Variants in WIF1 observed in about 807,000 individuals in gnomAD.
WIF1 encodes the protein Wnt inhibitory factor 1.
In WIF1, 35 loss-of-function variants were observed where a neutral mutation model predicts 53.5. That is an observed-to-expected ratio of 0.65 (90% confidence interval 0.50 to 0.87). The LOEUF is 0.87. Among genes scored for constraint, WIF1 ranks in the 40% least tolerant of loss-of-function variants. The pLI, the probability that WIF1 is intolerant of heterozygous loss-of-function variation, is 0.00. For synonymous variants in WIF1, 171 were observed against 170.4 expected (o/e 1.00, Z -0.03); for missense variants, 467 against 476.8 (o/e 0.98, Z 0.19).
At chr12:65,109,396 T>C (rs1201285433) in intron 2 of WIF1, among the ~76,000 whole-genome samples, 1 of 152,218 alleles carries the variant, frequency 6.6e-6, no homozygotes, top group Non-Finnish European at 1.5e-5. Context: ...AAGTGCCCCC[T>C]CTGGACAGAG....
In WIF1 at chr12:65,056,076, T is replaced by G. The variant is rs531988277; in HGVS notation, c.877A>C (p.Lys293Gln). Reference protein sequence around the residue: ...RNGGKCIGKSKCKCSKGYQGD... With the variant: ...RNGGKCIGKSQCKCSKGYQGD... The stretch of plus-strand genomic sequence containing the variant: ...TGGTAACCTTTGGAACACTTACATT[T>G]GCTTTTACCAATGCATTTACCTCCA... Residue 293 changes from lysine to glutamine, a missense_variant, in exon 8 of 10, where the codon AAA becomes CAA. By Grantham distance (53) the Lys-to-Gln change is moderately conservative (BLOSUM62 1). Transcript: ENST00000286574. The G allele has an allele frequency of 3.1e-6, 5 of 1,614,188 alleles. 1 individual carries two copies. Among genetic ancestry groups the G allele is most frequent in the East Asian group, 4.5e-5 (2 of 44,890 alleles).
At chr12:65,107,027 T>A (rs1671579274) in intron 2 of WIF1, among the ~76,000 whole-genome samples, 1 of 152,242 alleles carries the variant, frequency 6.6e-6, no homozygotes, top group African/African-American at 2.4e-5. Flanking sequence ...TTTTCCAACC[T>A]ACTGAATATA....
chr12:65,080,217 C>T (rs1882926726), intron 2 of WIF1, among the ~76,000 whole-genome samples: 1 of 152,196 alleles, frequency 6.6e-6, no homozygotes, highest in South Asian at 2.1e-4. Flanking sequence ...TGCATCCCCT[C>T]CTGTGAGTTG....
intron 2 of WIF1, among the ~76,000 whole-genome samples, chr12:65,106,876 C>T (rs1319892975): frequency 1.3e-5 from 2 of 152,206 alleles, no homozygotes; most frequent in African/African-American, 4.8e-5. Flanking sequence ...AACTTGACTT[C>T]TGCCGAAATT....
chr12:65,068,208 A>G (rs12300523), intron 4 of WIF1, among the ~76,000 whole-genome samples: 10,769 of 152,154 alleles, frequency 0.071, 1,061 homozygotes, highest in African/African-American at 0.22. Flanking sequence ...AAGCTTGTAT[A>G]GGGATGTGAA....
intron 3 of WIF1, 147 bp from the exon 4 acceptor site, chr12:65,069,051 G>T: frequency 1.2e-6 from 1 of 857,732 alleles, no homozygotes; most frequent in Non-Finnish European, 1.7e-6. Context: ...AGTAGGAACT[G>T]TATTTTGAGC....
At chr12:65,097,933 G>A (rs184671557) in intron 2 of WIF1, among the ~76,000 whole-genome samples, 8 of 152,264 alleles carry the variant, frequency 5.3e-5, no homozygotes, top group Admixed American at 2.6e-4. Context: ...TTTACTAAAT[G>A]GAAGAAGTGA....
At chr12:65,120,620 T>G (rs985036760) in intron 1 of WIF1, 64 bp from the exon 2 acceptor site, 1 of 1,552,744 alleles carries the variant, frequency 6.4e-7, no homozygotes, top group African/African-American at 1.4e-5. Context: ...ATCAGAAGTT[T>G]CAAGCAAAAA....
chr12:65,061,169 C>T (rs1882605757), intron 7 of WIF1, among the ~76,000 whole-genome samples: 1 of 152,148 alleles, frequency 6.6e-6, no homozygotes, highest in South Asian at 2.1e-4. Flanking sequence ...TCTATGGAAA[C>T]TTTAGAGGTA....
At chr12:65,103,591 G>T (rs1883311734) in intron 2 of WIF1, among the ~76,000 whole-genome samples, 1 of 152,144 alleles carries the variant, frequency 6.6e-6, no homozygotes, top group Non-Finnish European at 1.5e-5. Context: ...GTTCTATTTG[G>T]CTTCTGAACT....
chr12:65,102,477 G>C (rs997182523), intron 2 of WIF1, among the ~76,000 whole-genome samples: 1 of 152,118 alleles, frequency 6.6e-6, no homozygotes, highest in Non-Finnish European at 1.5e-5. Flanking sequence ...CTGATTGTTG[G>C]AGACCCACCC....
chr12:65,089,656 G>C (rs1054362016), intron 2 of WIF1, among the ~76,000 whole-genome samples: 4 of 152,074 alleles, frequency 2.6e-5, no homozygotes, highest in African/African-American at 7.2e-5. Context: ...ACCAGCCTCT[G>C]TCATGAATCT....
At chr12:65,071,249 A>AG (rs1209835601) in intron 3 of WIF1, among the ~76,000 whole-genome samples, 1 of 151,086 alleles carries the variant, frequency 6.6e-6, no homozygotes, top group African/African-American at 2.4e-5. Flanking sequence ...AAAAAAAAAA[A>AG]AAAAAGGAAA....
chr12:65,090,128 A>G (rs1883101206), intron 2 of WIF1, among the ~76,000 whole-genome samples: 2 of 152,188 alleles, frequency 1.3e-5, no homozygotes, highest in African/African-American at 4.8e-5. Context: ...TTTGGGTCCC[A>G]GTCAACAGTC....
chr12:65,088,266 C>A (rs1274346814), intron 2 of WIF1, among the ~76,000 whole-genome samples: 2 of 152,128 alleles, frequency 1.3e-5, no homozygotes, highest in Non-Finnish European at 2.9e-5. Context: ...CCCATTCCTG[C>A]TATCTTCTCT....
chr12:65,101,190 T>C (rs1048870758), intron 2 of WIF1, among the ~76,000 whole-genome samples: 5 of 152,214 alleles, frequency 3.3e-5, no homozygotes, highest in Admixed American at 3.3e-4. Context: ...GTCCAGTTTA[T>C]GTTCTTGGTG....
chr12:65,075,237 C>T (rs576742310), intron 3 of WIF1, among the ~76,000 whole-genome samples: 89 of 152,298 alleles, frequency 5.8e-4, no homozygotes, highest in Middle Eastern at 3.4e-3. Flanking sequence ...GTCTCCCACT[C>T]TTATGGCACT....
chr12:65,067,400 C>T (rs975943488), intron 5 of WIF1, among the ~76,000 whole-genome samples: 23 of 152,102 alleles, frequency 1.5e-4, no homozygotes, highest in Admixed American at 1.5e-3. Context: ...TCAACTGGAA[C>T]AATTTCAGAT....
intron 7 of WIF1, among the ~76,000 whole-genome samples, chr12:65,062,080 G>A (rs1882621166): frequency 1.3e-5 from 2 of 152,056 alleles, no homozygotes; most frequent in Admixed American, 6.6e-5. Context: ...AGGATATCTG[G>A]CAGTGAGCGG....
Sources: gnomAD v4.1 joint callset for allele counts (sites outside exome capture counted in the v4.1 genomes callset) on GRCh38, gnomAD v4.1.1 for gene constraint, MANE v1.5 for transcripts, NCBI Gene and HGNC (gene_info 2026-07-23, HGNC 2026-07-21) for gene names.